The following LRBA variants were observed in gnomAD, a reference collection of about 807,000 sequenced individuals.
LRBA encodes the protein lipopolysaccharide-responsive and beige-like anchor protein.
A neutral mutation model predicts 330.0 loss-of-function variants in LRBA; 176 were observed. The observed-to-expected ratio is 0.53, with a 90% CI of 0.47 to 0.60. The LOEUF (loss-of-function observed/expected upper bound fraction) is 0.60, where lower values mean the gene tolerates loss of function less well. Ranked by LOEUF, LRBA falls within the 20% of genes least tolerant of loss-of-function variation. The pLI is 0.00. For missense variants in LRBA, 3,259 were observed against 3,444.8 expected (o/e 0.95, Z 1.35); for synonymous variants, 1,230 against 1,193.0 (o/e 1.03, Z -0.64).
rs2076408995 is a variant in LRBA, at chr4:150,742,133, T to C, written c.5646-6767A>G. The stretch of plus-strand genomic sequence containing the variant: ...AGGGATAGAATTATTATTATTATCA[T>C]TATTATTATTATTATTATTTTTTTT... On this transcript the variant is annotated intron_variant, in intron 35 of 56. Transcript: ENST00000651943. Among the ~76,000 whole-genome samples the C allele has an allele frequency of 6.2e-5, 3 of 48,590 alleles. No homozygotes were observed. In the South Asian group the frequency reaches 1.2e-3, roughly 20 times the overall value. The allele number at this position is 48,590 out of a possible 152,430, so 31.9% of individuals were successfully genotyped here.
At chr4:150,297,571 T>A (rs978237145) in intron 53 of LRBA, among the ~76,000 whole-genome samples, 2 of 152,224 alleles carry the variant, frequency 1.3e-5, no homozygotes, top group Non-Finnish European at 2.9e-5. Context: ...AAGGTCTTGA[T>A]GAGACACACA....
At chr4:150,313,514 AGTC>A (rs1731329774) in intron 51 of LRBA, among the ~76,000 whole-genome samples, 1 of 152,160 alleles carries the variant, frequency 6.6e-6, no homozygotes, top group Non-Finnish European at 1.5e-5. Flanking sequence ...AGAAGTGTAA[AGTC>A]TGTTGACCAG....
chr4:150,365,226 C>T (rs2151851638), intron 47 of LRBA, among the ~76,000 whole-genome samples: 1 of 152,052 alleles, frequency 6.6e-6, no homozygotes, highest in African/African-American at 2.4e-5. Context: ...AGGCTGGTCT[C>T]GAACTCCTGG....
chr4:150,867,923 T>TA, intron 21 of LRBA, 60 bp from the exon 22 acceptor site: 1 of 1,382,070 alleles, frequency 7.2e-7, no homozygotes, highest in Non-Finnish European at 9.9e-7. Flanking sequence ...AAAATAAATC[T>TA]AAAGGTTTAA....
intron 44 of LRBA, among the ~76,000 whole-genome samples, chr4:150,464,784 G>A (rs1346676991): frequency 2.0e-5 from 3 of 152,092 alleles, no homozygotes; most frequent in Non-Finnish European, 4.4e-5. Context: ...ACTTGGGAAT[G>A]TTTAGGGCAT....
chr4:150,579,807 T>A (rs1306030647), intron 40 of LRBA: 1 of 443,468 alleles, frequency 2.3e-6, no homozygotes, highest in East Asian at 7.1e-5. Context: ...CCTGAGGCTG[T>A]TTGCAAACAC....
At chr4:150,802,789 A>C (rs1220321877) in intron 33 of LRBA, among the ~76,000 whole-genome samples, 1 of 152,036 alleles carries the variant, frequency 6.6e-6, no homozygotes, top group African/African-American at 2.4e-5. Context: ...TTTGGGAGGC[A>C]AGGCCGGAGG....
intron 47 of LRBA, among the ~76,000 whole-genome samples, chr4:150,399,816 A>G (rs896963504): frequency 3.3e-5 from 5 of 152,150 alleles, no homozygotes; most frequent in East Asian, 3.9e-4. Context: ...TACTAAAAAT[A>G]CAAAAATTAG....
At chr4:150,731,104 C>T (rs568248165) in intron 36 of LRBA, among the ~76,000 whole-genome samples, 18 of 152,228 alleles carry the variant, frequency 1.2e-4, no homozygotes, top group African/African-American at 3.1e-4. Context: ...TCATCTCACT[C>T]GAGTTAAAAT....
intron 47 of LRBA, among the ~76,000 whole-genome samples, chr4:150,374,399 T>C (rs1331655313): frequency 6.6e-6 from 1 of 152,348 alleles, no homozygotes; most frequent in East Asian, 1.9e-4. Flanking sequence ...GCATAGTTCC[T>C]TTCCTTCTTC....
chr4:150,292,283 T>C (rs1395558438), intron 53 of LRBA, among the ~76,000 whole-genome samples: 3 of 152,192 alleles, frequency 2.0e-5, no homozygotes, highest in South Asian at 2.1e-4. Context: ...CAGGTACAAA[T>C]AGATCTGACA....
At chr4:150,346,767 A>AAAAAAAAAAAAAAC (rs1736390354) in intron 48 of LRBA, among the ~76,000 whole-genome samples, 1 of 101,330 alleles carries the variant, frequency 9.9e-6, no homozygotes, top group African/African-American at 2.8e-5. Context: ...CAAAAAAAAA[A>AAAAAAAAAAAAAAC]AAAAAAAAAA....
intron 37 of LRBA, among the ~76,000 whole-genome samples, chr4:150,612,487 T>C (rs1410784129): frequency 6.6e-6 from 1 of 152,220 alleles, no homozygotes; most frequent in Non-Finnish European, 1.5e-5. Context: ...TTTAAGACAG[T>C]TGGAAGCCGG....
At chr4:150,523,164 T>C (rs1281363646) in intron 40 of LRBA, among the ~76,000 whole-genome samples, 1 of 152,214 alleles carries the variant, frequency 6.6e-6, no homozygotes, top group East Asian at 1.9e-4. Flanking sequence ...GCTATTGTGG[T>C]AGAATAAATG....
intron 47 of LRBA, among the ~76,000 whole-genome samples, chr4:150,351,033 T>A (rs2127060177): frequency 6.6e-6 from 1 of 152,318 alleles, no homozygotes; most frequent in Non-Finnish European, 1.5e-5. Context: ...ATATCAAACC[T>A]GACCAAATAT....
chr4:150,474,491 C>T (rs923753352), intron 42 of LRBA, among the ~76,000 whole-genome samples: 1 of 152,116 alleles, frequency 6.6e-6, no homozygotes, highest in Non-Finnish European at 1.5e-5. Context: ...TTCAGCTACT[C>T]TAGGTCCATT....
chr4:150,632,301 G>A (rs1006960410), intron 37 of LRBA, among the ~76,000 whole-genome samples: 1 of 150,482 alleles, frequency 6.6e-6, no homozygotes, highest in Non-Finnish European at 1.5e-5. Flanking sequence ...AACTAATTTA[G>A]AAAAAGAAAA....
chr4:150,806,636 C>A lies in LRBA; in HGVS notation c.5385-232G>T, dbSNP rs181209277. Reference sequence around the variant, plus strand: ...ACAAACAACCTGGTTAACAACCACTCCAAGCATCAGTACTTACTACAAGTC... The same window carrying A: ...ACAAACAACCTGGTTAACAACCACTACAAGCATCAGTACTTACTACAAGTC... On this transcript the variant is annotated intron_variant, in intron 32 of 56. Coordinates refer to ENST00000651943, the MANE Select transcript of LRBA (RefSeq NM_001364905.1). 8.5e-3 allele frequency among the ~76,000 whole-genome samples: 1,290 copies of A among 152,208 alleles called. 11 individuals carry two copies. Among genetic ancestry groups the A allele is most frequent in the Non-Finnish European group, 0.013 (871 of 67,980 alleles).
chr4:150,805,890 A>T lies in LRBA; in HGVS notation c.5518+381T>A, dbSNP rs1429198643. 3.3e-5 allele frequency among the ~76,000 whole-genome samples: 5 copies of T among 152,266 alleles called. No homozygotes were observed. The East Asian group carries it at 7.7e-4, about 23-fold the overall frequency. ...CTGTTATCTCTATTTGTAAAACAGAATTCTACAAATAACAATGCATTCCTT... is the reference window on the plus strand; with the variant it reads ...CTGTTATCTCTATTTGTAAAACAGATTTCTACAAATAACAATGCATTCCTT... On this transcript the variant is annotated intron_variant, in intron 33 of 56. Transcript: ENST00000651943.
Sources: gnomAD v4.1 joint callset for allele counts (sites outside exome capture counted in the v4.1 genomes callset) on GRCh38, gnomAD v4.1.1 for gene constraint, MANE v1.5 for transcripts, NCBI Gene and HGNC (gene_info 2026-07-23, HGNC 2026-07-21) for gene names.